Variants in NLRP3 observed in about 807,000 individuals in gnomAD.
NLRP3 encodes the protein NACHT, LRR and PYD domains-containing protein 3.
NLRP3 carries 48 observed loss-of-function variants against 91.3 expected under a neutral mutation model. The ratio of observed to expected loss-of-function variants is 0.53; its 90% CI spans 0.42 to 0.67. The LOEUF (loss-of-function observed/expected upper bound fraction) is 0.67, where lower values mean the gene tolerates loss of function less well. Among genes scored for constraint, NLRP3 ranks in the 30% least tolerant of loss-of-function variants. NLRP3 has a pLI of 0.00. For missense variants in NLRP3, 982 were observed against 1,276.9 expected (o/e 0.77, Z 3.52); for synonymous variants, 561 against 507.9 (o/e 1.10, Z -1.41).
At chr1:247,423,454 C>A in intron 3 of NLRP3, 105 bp downstream of exon 3, 2 of 1,323,484 alleles carry the variant, frequency 1.5e-6, no homozygotes, top group Non-Finnish European at 2.2e-6. Flanking sequence ...GGTTCCTGCT[C>A]TTTGGAATGC....
rs529087987 is a variant in NLRP3, at chr1:247,428,674, G to T, written c.2151-911G>T. 2.6e-5 allele frequency among the ~76,000 whole-genome samples: 4 copies of T among 152,142 alleles called. No individual in the cohort carries two copies. In the East Asian group the frequency reaches 5.8e-4, roughly 22 times the overall value. On this transcript the variant is annotated intron_variant, in intron 4 of 9. Coordinates refer to ENST00000336119, the MANE Select transcript of NLRP3 (RefSeq NM_001243133.2). ...TTTTTAAATAAAAAAGATCCATATAGCTGGACACAGTGACTCGTGCCTGTA... is the reference window on the plus strand; with the variant it reads ...TTTTTAAATAAAAAAGATCCATATATCTGGACACAGTGACTCGTGCCTGTA...
At position 247,425,039 on chromosome 1, in the gene NLRP3, G is replaced by A. The variant is rs1391865802; in HGVS notation, c.1590G>A (p.Met530Ile). Reference sequence around the variant, plus strand: ...CTTTCCAGGAGTTCTTTGCCGCCATGTACTACCTGCTGGAAGAGGAAAAGG... The same window carrying A: ...CTTTCCAGGAGTTCTTTGCCGCCATATACTACCTGCTGGAAGAGGAAAAGG... The part of the protein sequence containing the change: ...HMTFQEFFAA[M>I]YYLLEEEKEG... Residue 530 changes from methionine to isoleucine, a missense_variant, in exon 4 of 10, where the codon ATG becomes ATA. Coordinates refer to ENST00000336119, the MANE Select transcript of NLRP3 (RefSeq NM_001243133.2). The surrounding 1 kb of genome is among the most constrained non-coding windows in gnomAD (Gnocchi z 4.1). 1 of 1,614,188 alleles carries A rather than the reference G, an allele frequency of 6.2e-7. No individual in the cohort carries two copies.
intron 7 of NLRP3, among the ~76,000 whole-genome samples, chr1:247,437,824 C>T (rs540695728): frequency 1.3e-5 from 2 of 152,332 alleles, no homozygotes; most frequent in African/African-American, 4.8e-5. Flanking sequence ...AGTGCCTCTC[C>T]GAGCGGGTGA....
intron 4 of NLRP3, among the ~76,000 whole-genome samples, chr1:247,426,913 C>T (rs1325932044): frequency 1.3e-5 from 2 of 152,074 alleles, no homozygotes; most frequent in African/African-American, 4.8e-5. Flanking sequence ...AGAGAGAGGG[C>T]AGGTGTGGGA....
Position 247,448,558 on chromosome 1 carries a change from G to A in NLRP3, c.*54G>A. 1 of 1,063,458 alleles carries A rather than the reference G, an allele frequency of 9.4e-7. No homozygotes were observed. Among genetic ancestry groups the A allele is most frequent in the Admixed American group, 1.7e-5 (1 of 59,178 alleles). The allele number at this position is 1,063,458 out of a possible 1,614,324, so 65.9% of individuals were successfully genotyped here. The stretch of plus-strand genomic sequence containing the variant: ...TGTTCTCCGGTCCCTCCAGCTGGGG[G>A]CCCTCAGGTGGAGAGAGCTGCGATC... On this transcript the variant is annotated 3_prime_UTR_variant, in exon 10 of 10. Transcript: ENST00000336119.
chr1:247,428,567 C>A (rs1209751594), intron 4 of NLRP3, among the ~76,000 whole-genome samples: 3 of 152,142 alleles, frequency 2.0e-5, no homozygotes, highest in African/African-American at 7.2e-5. Flanking sequence ...AATTCAAGTC[C>A]TACCTGAGCA....
rs756892237 is a variant in NLRP3, at chr1:247,436,030, C to G, written c.2553C>G (p.Thr851=). 9 of 1,614,110 alleles carry G rather than the reference C, an allele frequency of 5.6e-6. No individual in the cohort carries two copies. In the South Asian group the frequency reaches 9.9e-5, roughly 18 times the overall value. The change falls in exon 7 of 10, where the codon ACC becomes ACG. Residue 851 remains threonine (T), a synonymous_variant. Coordinates refer to ENST00000336119, the MANE Select transcript of NLRP3 (RefSeq NM_001243133.2). ...AGGATCTTGCATCAGTATTGAGCAC[C>G]AGCCATTCCCTGACCAGACTCTATG... ...CCQDLASVLS[T]SHSLTRLYVG...
Position 247,436,021 on chromosome 1 carries a change from A to T in NLRP3, c.2544A>T (p.Val848=), listed in dbSNP as rs767265192. ...TSACCQDLAS[V]LSTSHSLTRL... The stretch of plus-strand genomic sequence containing the variant: ...CATGTTGTCAGGATCTTGCATCAGT[A>T]TTGAGCACCAGCCATTCCCTGACCA... Residue 848 remains valine (V), a synonymous_variant, in exon 7 of 10, where the codon GTA becomes GTT. Transcript: ENST00000336119. 2 of 1,614,172 alleles carry T rather than the reference A, an allele frequency of 1.2e-6. No homozygotes were observed. The highest frequency in any genetic ancestry group is 1.7e-6 in the Non-Finnish European group (2 of 1,180,016).
intron 2 of NLRP3, among the ~76,000 whole-genome samples, chr1:247,422,000 TA>T (rs112253302): frequency 3.3e-5 from 5 of 151,492 alleles, no homozygotes; most frequent in East Asian, 3.9e-4. Flanking sequence ...CTCTGTCTCT[TA>T]AAAAAAAAGA....
intron 4 of NLRP3, among the ~76,000 whole-genome samples, chr1:247,428,322 T>C (rs1457300177): frequency 1.3e-5 from 2 of 152,256 alleles, no homozygotes; most frequent in Admixed American, 6.5e-5. Flanking sequence ...GCAGCTGCCT[T>C]ACTCTGAGGG....
At chr1:247,422,632 A>G (rs145793275) in intron 2 of NLRP3, among the ~76,000 whole-genome samples, 4,718 of 152,036 alleles carry the variant, frequency 0.031, 105 homozygotes, top group Admixed American at 0.063. Context: ...CTGAAAAAGA[A>G]CCTCTGGGCG....
chr1:247,443,388 G>C (rs982038203), intron 7 of NLRP3, among the ~76,000 whole-genome samples: 1 of 152,136 alleles, frequency 6.6e-6, no homozygotes, highest in South Asian at 2.1e-4. Context: ...ATGTGAAAGG[G>C]GCATTTGGGG....
intron 7 of NLRP3, among the ~76,000 whole-genome samples, chr1:247,441,947 A>G (rs1402981041): frequency 6.6e-6 from 1 of 152,256 alleles, no homozygotes; most frequent in East Asian, 1.9e-4. Context: ...AATTTAAAAA[A>G]TATTTTCTCT....
At chr1:247,423,372 C>G (rs1413121625) in intron 3 of NLRP3, 23 bp downstream of exon 3, 2 of 1,613,504 alleles carry the variant, frequency 1.2e-6, no homozygotes, top group South Asian at 2.2e-5. Flanking sequence ...GGTGGTGCTT[C>G]TAGTTGAGTT....
At chr1:247,448,025 T>TCC (rs1365873291) in intron 9 of NLRP3, among the ~76,000 whole-genome samples, 10 of 150,988 alleles carry the variant, frequency 6.6e-5, no homozygotes, top group African/African-American at 9.8e-5. Context: ...TTTTTTTTTT[T>TCC]CCCCACATTT....
intron 5 of NLRP3, among the ~76,000 whole-genome samples, chr1:247,433,338 C>T (rs946758954): frequency 3.9e-5 from 6 of 152,184 alleles, no homozygotes; most frequent in Non-Finnish European, 7.3e-5. Flanking sequence ...TAGCTGAGTG[C>T]AGCACTGGCG....
At chr1:247,448,153 C>G (rs1664712051) in intron 9 of NLRP3, among the ~76,000 whole-genome samples, 1 of 151,838 alleles carries the variant, frequency 6.6e-6, no homozygotes, top group South Asian at 2.1e-4. Context: ...ACACGACGAG[C>G]ACCGGCTCCT....
Position 247,436,028 on chromosome 1 carries a change from A to G in NLRP3, c.2551A>G (p.Thr851Ala), listed in dbSNP as rs200101933. 1.1e-5 allele frequency: 17 copies of G among 1,613,314 alleles called. No homozygotes were observed. The highest frequency in any genetic ancestry group is 4.0e-5 in the African/African-American group (3 of 75,036). ...TCAGGATCTTGCATCAGTATTGAGC[A>G]CCAGCCATTCCCTGACCAGACTCTA... is the stretch of plus-strand genomic sequence containing the variant. ...CCQDLASVLS[T>A]SHSLTRLYVG... Residue 851 changes from threonine to alanine, a missense_variant, in exon 7 of 10, where the codon ACC (threonine) becomes GCC (alanine). By Grantham distance (58) the Thr-to-Ala change is moderately conservative. Around this residue, in one of 5 missense-constraint regions of NLRP3, gnomAD observed 373 missense variants for 431.5 expected, o/e 0.86. Coordinates refer to ENST00000336119, the MANE Select transcript of NLRP3 (RefSeq NM_001243133.2).
intron 9 of NLRP3, among the ~76,000 whole-genome samples, chr1:247,447,675 A>G (rs1413385794): frequency 6.6e-6 from 1 of 152,236 alleles, no homozygotes; most frequent in African/African-American, 2.4e-5. Flanking sequence ...AAAATTTACA[A>G]GACAGTTGAG....
Sources: allele counts gnomAD v4.1 joint callset (sites outside exome capture counted in the v4.1 genomes callset), GRCh38; gene constraint gnomAD v4.1.1; regional missense constraint gnomAD v4.1.1; non-coding constraint Gnocchi (gnomAD v3.1); transcripts MANE v1.5; gene names NCBI Gene and HGNC (gene_info 2026-07-23, HGNC 2026-07-21).